The following TOR1AIP1 variants were observed in gnomAD, a reference collection of about 807,000 sequenced individuals.
TOR1AIP1 encodes torsin-1A-interacting protein 1.
TOR1AIP1 carries 54 observed loss-of-function variants against 63.3 expected under a neutral mutation model. The observed-to-expected ratio is 0.85, with a 90% CI of 0.69 to 1.07. The LOEUF is 1.07. Ranked by LOEUF, TOR1AIP1 falls within the 50% of genes least tolerant of loss-of-function variation. TOR1AIP1 has a pLI of 0.00. For missense variants in TOR1AIP1, 736 were observed against 715.0 expected, an observed-to-expected ratio of 1.03 and a Z score of -0.33; for synonymous variants, 294 against 273.5, an observed-to-expected ratio of 1.07 and a Z score of -0.74.
At chr1:179,890,202 A>G (rs984117957) in intron 3 of TOR1AIP1, among the ~76,000 whole-genome samples, 2 of 152,204 alleles carry the variant, frequency 1.3e-5, no homozygotes, top group Admixed American at 1.3e-4. Context: ...TAAAACGATT[A>G]AAAGTATTGC....
chr1:179,913,856 A>AT, intron 8 of TOR1AIP1, 142 bp from the exon 9 acceptor site: 1 of 735,130 alleles, frequency 1.4e-6, no homozygotes, highest in Non-Finnish European at 2.3e-6. Context: ...GCACTCAGAT[A>AT]TTCTACTTTT....
At chr1:179,908,981 C>T (rs538092262) in intron 8 of TOR1AIP1, among the ~76,000 whole-genome samples, 3 of 152,060 alleles carry the variant, frequency 2.0e-5, no homozygotes, top group Non-Finnish European at 2.9e-5. Context: ...CTGGCTAACA[C>T]GGTGAAACCT....
chr1:179,903,178 C>A (rs1648520250), intron 5 of TOR1AIP1, among the ~76,000 whole-genome samples: 1 of 151,752 alleles, frequency 6.6e-6, no homozygotes, highest in Non-Finnish European at 1.5e-5. Context: ...TACCTATAGT[C>A]CCAGATACTG....
intron 8 of TOR1AIP1, among the ~76,000 whole-genome samples, chr1:179,909,717 T>G (rs1648771732): frequency 6.6e-6 from 1 of 152,164 alleles, no homozygotes; most frequent in South Asian, 2.1e-4. Flanking sequence ...ATTACAGGCT[T>G]GAGCCACTGC....
At position 179,890,715 on chromosome 1, in the gene TOR1AIP1, G is replaced by T. The variant is rs184961141; in HGVS notation, c.610+1346G>T. 5.0e-4 allele frequency among the ~76,000 whole-genome samples: 76 copies of T among 152,142 alleles called. 1 individual carries two copies. The highest frequency in any genetic ancestry group is 4.7e-3 in the Admixed American group (72 of 15,280). On this transcript the variant is annotated intron_variant, in intron 3 of 9. Coordinates refer to ENST00000606911, the MANE Select transcript of TOR1AIP1 (RefSeq NM_015602.4). ...TATTGTAGTCCCAGCTACTCTGGAG[G>T]CTCAACTGAGCCTCCTACTTCAGCC...
At chr1:179,891,757 G>A (rs1362424894) in intron 3 of TOR1AIP1, among the ~76,000 whole-genome samples, 1 of 151,822 alleles carries the variant, frequency 6.6e-6, no homozygotes, top group African/African-American at 2.4e-5. Flanking sequence ...GTAGAGATGG[G>A]GTTTCACCAT....
chr1:179,886,993 T>C (rs919254279), intron 2 of TOR1AIP1, among the ~76,000 whole-genome samples: 1 of 152,218 alleles, frequency 6.6e-6, no homozygotes, highest in Admixed American at 6.5e-5. Context: ...AAGCCCTTCT[T>C]CCTCATAGAA....
chr1:179,883,759 A>G, intron 1 of TOR1AIP1: 2 of 453,304 alleles, frequency 4.4e-6, no homozygotes, highest in Admixed American at 2.4e-5. Context: ...GATGCTGACA[A>G]AGTGAGTGTA....
At position 179,893,164 on chromosome 1, in the gene TOR1AIP1, A is replaced by T. The variant is rs146206291; in HGVS notation, c.610+3795A>T. Among the ~76,000 whole-genome samples the T allele has an allele frequency of 4.4e-3, 663 of 152,120 alleles. 7 individuals carry two copies. The highest frequency in any genetic ancestry group is 0.015 in the African/African-American group (639 of 41,532). ...GGCTGAGGCAGGGAGAATTGCCTGA[A>T]CCGGGGAGGTGGAGGTTGCAGTGAG... On this transcript the variant is annotated intron_variant, in intron 3 of 9. Coordinates refer to ENST00000606911, the MANE Select transcript of TOR1AIP1 (RefSeq NM_015602.4).
At chr1:179,898,820 C>G (rs1412413413) in intron 3 of TOR1AIP1, among the ~76,000 whole-genome samples, 2 of 151,644 alleles carry the variant, frequency 1.3e-5, no homozygotes, top group Non-Finnish European at 2.9e-5. Flanking sequence ...CCTAAGAAAC[C>G]TAGAGCAAAA....
At chr1:179,908,513 GTCTT>G (rs1364262567) in intron 7 of TOR1AIP1, 88 bp from the exon 8 acceptor site, 5 of 1,003,366 alleles carry the variant, frequency 5.0e-6, no homozygotes, top group African/African-American at 3.3e-5. Context: ...ACTTTATTTT[GTCTT>G]TCTGATAGAT....
At chr1:179,914,196 A>G (rs917675381) in intron 9 of TOR1AIP1, 142 bp downstream of exon 9, 6 of 716,506 alleles carry the variant, frequency 8.4e-6, no homozygotes, top group Admixed American at 5.6e-5. Flanking sequence ...AAAAGTATAT[A>G]TTCTACTAGC....
Position 179,901,363 on chromosome 1 carries a change from A to C in TOR1AIP1, c.714A>C (p.Arg238Ser). The stretch of plus-strand genomic sequence containing the variant: ...GCAGTGTCACTACTGTTAAGGCCAG[A>C]TCCAGGGATTCTGATGAATCTGGAG... Reference protein sequence around the residue: ...SHSSVTTVKARSRDSDESGDK... With the variant: ...SHSSVTTVKASSRDSDESGDK... Residue 238 changes from arginine (R) to serine (S), a missense_variant, in exon 5 of 10, where the codon AGA becomes AGC. Coordinates refer to ENST00000606911, the MANE Select transcript of TOR1AIP1 (RefSeq NM_015602.4). The C allele has an allele frequency of 6.2e-7, 1 of 1,607,142 alleles. No individual in the cohort carries two copies. The highest frequency in any genetic ancestry group is 2.2e-5 in the East Asian group (1 of 44,706).
chr1:179,901,175 CAGT>C (rs755068863), intron 4 of TOR1AIP1, 124 bp from the exon 5 acceptor site: 3 of 499,036 alleles, frequency 6.0e-6, no homozygotes, highest in South Asian at 1.2e-4. Flanking sequence ...GATAAACAAA[CAGT>C]AGTTCTATAT....
intron 2 of TOR1AIP1, among the ~76,000 whole-genome samples, chr1:179,886,232 A>G (rs1184076596): frequency 6.6e-6 from 1 of 152,200 alleles, no homozygotes; most frequent in Non-Finnish European, 1.5e-5. Context: ...ATCTAGAGTA[A>G]TTTATAAAAA....
chr1:179,908,039 GC>G lies in TOR1AIP1; in HGVS notation c.838+176del, dbSNP rs1268933335. Among the ~76,000 whole-genome samples the G allele has an allele frequency of 2.0e-5, 3 of 148,818 alleles. No individual in the cohort carries two copies. In the Admixed American group the frequency reaches 2.1e-4, roughly 10 times the overall value. On this transcript the variant is annotated intron_variant, in intron 7 of 9. Transcript: ENST00000606911. Reference sequence around the variant, plus strand: ...TTCTCCTGCCTCCGCCTCCCAAGTAGCTGGGACTACAGGCGCCCGCCACCAC... The same window carrying G: ...TTCTCCTGCCTCCGCCTCCCAAGTAGTGGGACTACAGGCGCCCGCCACCAC...
intron 4 of TOR1AIP1, 152 bp downstream of exon 4, chr1:179,900,319 G>T: frequency 2.0e-6 from 1 of 504,584 alleles, no homozygotes; most frequent in Non-Finnish European, 3.6e-6. Context: ...GAGGCAGGAA[G>T]ATCACTTAAG....
intron 2 of TOR1AIP1, among the ~76,000 whole-genome samples, chr1:179,888,691 C>T (rs683812): frequency 0.93 from 141,346 of 152,276 alleles, 65,734 homozygotes; most frequent in Middle Eastern, 0.97. Flanking sequence ...GGTTTTAGAA[C>T]ATGTTATGTG....
Position 179,917,945 on chromosome 1 carries a change from A to G in TOR1AIP1, c.1458A>G (p.Ala486=), listed in dbSNP as rs1649074931. ...TACACCGCTTTGAGTCATTTCCCGCAGGCTCTACTTTGATCTTCTACAAAT... is the reference window on the plus strand; with the variant it reads ...TACACCGCTTTGAGTCATTTCCCGCGGGCTCTACTTTGATCTTCTACAAAT... ...AVVHRFESFP[A]GSTLIFYKYC... The change falls in exon 10 of 10, where the codon GCA becomes GCG. Residue 486 remains alanine (A), a synonymous_variant. Coordinates refer to ENST00000606911, the MANE Select transcript of TOR1AIP1 (RefSeq NM_015602.4). 1 of 1,614,122 alleles carries G rather than the reference A, an allele frequency of 6.2e-7. No homozygotes were observed. Among genetic ancestry groups the G allele is most frequent in the African/African-American group, 1.3e-5 (1 of 74,938 alleles).
Sources: gnomAD v4.1 joint callset for allele counts (sites outside exome capture counted in the v4.1 genomes callset) on GRCh38, gnomAD v4.1.1 for gene constraint, MANE v1.5 for transcripts, NCBI Gene and HGNC (gene_info 2026-07-23, HGNC 2026-07-21) for gene names.